Variants in CYP7B1 observed in about 807,000 individuals in gnomAD.
CYP7B1 encodes cytochrome P450 7B1.
Under a neutral mutation model 42.7 loss-of-function variants are expected in CYP7B1, and 29 were observed. The ratio of observed to expected loss-of-function variants is 0.68; its 90% CI spans 0.51 to 0.93. The LOEUF (loss-of-function observed/expected upper bound fraction) is 0.93. CYP7B1 is among the 40% of genes least tolerant of loss of function. The pLI is 0.00. For synonymous variants in CYP7B1, 235 were observed against 218.2 expected (o/e 1.08, Z -0.68); for missense variants, 655 against 600.5 (o/e 1.09, Z -0.95).
chr8:64,716,707 A>AAAAAT (rs752504359), intron 1 of CYP7B1, among the ~76,000 whole-genome samples: 38 of 152,264 alleles, frequency 2.5e-4, no homozygotes, highest in East Asian at 1.5e-3. Context: ...ACTCCATTTC[A>AAAAAT]AAAATAAAAT....
intron 5 of CYP7B1, among the ~76,000 whole-genome samples, chr8:64,600,572 A>G (rs1411911222): frequency 6.6e-6 from 1 of 152,200 alleles, no homozygotes; most frequent in African/African-American, 2.4e-5. Flanking sequence ...GCAAGATGGC[A>G]GAGTACAGAA....
intron 1 of CYP7B1, among the ~76,000 whole-genome samples, chr8:64,772,653 A>T (rs1017532060): frequency 1.3e-5 from 2 of 152,158 alleles, no homozygotes; most frequent in East Asian, 3.8e-4. Flanking sequence ...GAACCTACTT[A>T]CAGGTGTCTG....
chr8:64,794,035 G>T (rs1380124313), intron 1 of CYP7B1, among the ~76,000 whole-genome samples: 1 of 152,116 alleles, frequency 6.6e-6, no homozygotes, highest in Non-Finnish European at 1.5e-5. Context: ...CAGAAGGGAG[G>T]CAACCCTTAA....
chr8:64,680,814 A>C (rs1806525185), intron 1 of CYP7B1, among the ~76,000 whole-genome samples: 1 of 152,210 alleles, frequency 6.6e-6, no homozygotes, highest in African/African-American at 2.4e-5. Context: ...TGAGAAAGTA[A>C]GGTTTTCCTT....
intron 5 of CYP7B1, among the ~76,000 whole-genome samples, chr8:64,598,361 G>A (rs1331429960): frequency 1.3e-5 from 2 of 152,106 alleles, no homozygotes; most frequent in East Asian, 1.9e-4. Flanking sequence ...CTCTCCTGGG[G>A]AACTTCTTCC....
chr8:64,728,168 A>T (rs1028812237), intron 1 of CYP7B1: 3 of 152,250 alleles, frequency 2.0e-5, no homozygotes, highest in Admixed American at 6.5e-5. Flanking sequence ...AGAAAGAAGT[A>T]AATACAGCTC....
At chr8:64,672,990 T>C (rs1433101425) in intron 1 of CYP7B1, among the ~76,000 whole-genome samples, 1 of 152,062 alleles carries the variant, frequency 6.6e-6, no homozygotes, top group Non-Finnish European at 1.5e-5. Flanking sequence ...ATGTCAAGTA[T>C]GAATAGAGTA....
intron 1 of CYP7B1, among the ~76,000 whole-genome samples, chr8:64,792,790 T>C (rs1804640999): frequency 1.3e-5 from 2 of 152,118 alleles, no homozygotes; most frequent in African/African-American, 2.4e-5. Context: ...CTTAAACAGA[T>C]GAGATTTTGG....
intron 1 of CYP7B1, among the ~76,000 whole-genome samples, chr8:64,778,174 AAT>A (rs60859854): frequency 0.33 from 43,861 of 133,110 alleles, 7,231 homozygotes; most frequent in South Asian, 0.46. Context: ...ACTAGTTTGA[AAT>A]ATATATATAT....
In CYP7B1 at chr8:64,691,430, C is replaced by A. The variant is rs1021343701; in HGVS notation, c.123-66891G>T. On this transcript the variant is annotated intron_variant, in intron 1 of 5. Transcript: ENST00000310193. ...AGCTCCCACTGGCACACACAGCCAGCATATGTACATATAAACAGGCACCAA... is the reference window on the plus strand; with the variant it reads ...AGCTCCCACTGGCACACACAGCCAGAATATGTACATATAAACAGGCACCAA... 7.1e-5 allele frequency among the ~76,000 whole-genome samples: 9 copies of A among 126,484 alleles called. No homozygotes were observed. In the Admixed American group the frequency reaches 7.5e-4, roughly 11 times the overall value. The allele number at this position is 126,484 out of a possible 152,430, so 83.0% of individuals were successfully genotyped here. A position where few individuals can be genotyped will look rare whatever the true frequency, so the allele number is the denominator to read the frequency against.
At chr8:64,747,548 A>G (rs1164204193) in intron 1 of CYP7B1, among the ~76,000 whole-genome samples, 1 of 151,820 alleles carries the variant, frequency 6.6e-6, no homozygotes, top group African/African-American at 2.4e-5. Flanking sequence ...AATGCTATTG[A>G]AAAAACCATA....
At chr8:64,763,655 C>A (rs1585901139) in intron 1 of CYP7B1, among the ~76,000 whole-genome samples, 1 of 152,192 alleles carries the variant, frequency 6.6e-6, no homozygotes, top group Non-Finnish European at 1.5e-5. Flanking sequence ...TCTAACAACC[C>A]CCAACTCTTT....
At chr8:64,692,274 G>T (rs1179715800) in intron 1 of CYP7B1, among the ~76,000 whole-genome samples, 1 of 152,170 alleles carries the variant, frequency 6.6e-6, no homozygotes, top group Non-Finnish European at 1.5e-5. Context: ...ACTCCTAACT[G>T]CAAATTAACA....
chr8:64,614,922 A>G (rs140055551), intron 4 of CYP7B1, 104 bp downstream of exon 4: 9 of 1,065,186 alleles, frequency 8.4e-6, no homozygotes, highest in East Asian at 7.5e-5. Context: ...TATTATGTCA[A>G]TTAGGCAGCT....
chr8:64,611,847 G>T (rs1805368450), intron 4 of CYP7B1, among the ~76,000 whole-genome samples: 1 of 152,094 alleles, frequency 6.6e-6, no homozygotes, highest in African/African-American at 2.4e-5. Flanking sequence ...GTGAGGTAAG[G>T]TAGACTTGAG....
chr8:64,724,380 C>G (rs993665859), intron 1 of CYP7B1, among the ~76,000 whole-genome samples: 1 of 152,032 alleles, frequency 6.6e-6, no homozygotes, highest in African/African-American at 2.4e-5. Flanking sequence ...CTCCTGGCCT[C>G]GCGTGATCCA....
intron 1 of CYP7B1, among the ~76,000 whole-genome samples, chr8:64,727,647 A>T (rs1418021156): frequency 6.6e-6 from 1 of 152,214 alleles, no homozygotes; most frequent in African/African-American, 2.4e-5. Context: ...TTAGGCAAAG[A>T]TTATGCTAAT....
chr8:64,775,685 G>A (rs1804312738), intron 1 of CYP7B1, among the ~76,000 whole-genome samples: 1 of 152,074 alleles, frequency 6.6e-6, no homozygotes, highest in Non-Finnish European at 1.5e-5. Context: ...GACGTGCTGT[G>A]GGAACCTAGG....
chr8:64,650,243 G>A (rs901222306), intron 1 of CYP7B1, among the ~76,000 whole-genome samples: 4 of 152,086 alleles, frequency 2.6e-5, no homozygotes, highest in African/African-American at 9.7e-5. Flanking sequence ...TTTAGACTGT[G>A]TATCTGTTCC....
Sources: allele counts gnomAD v4.1 joint callset (sites outside exome capture counted in the v4.1 genomes callset), GRCh38; gene constraint gnomAD v4.1.1; transcripts MANE v1.5; gene names NCBI Gene and HGNC (gene_info 2026-07-23, HGNC 2026-07-21).